Variants in CCDC171 observed in about 807,000 individuals in gnomAD.
CCDC171 encodes coiled-coil domain-containing protein 171.
In CCDC171, 177 loss-of-function variants were observed where a neutral mutation model predicts 168.2. That is an observed-to-expected ratio of 1.05 (90% CI 0.93 to 1.19). The LOEUF is 1.19. CCDC171 is among the 50% of genes most tolerant of loss of function. The pLI, the probability that CCDC171 is intolerant of heterozygous loss-of-function variation, is 0.00. For missense variants in CCDC171, 1,991 were observed against 1,539.0 expected, an observed-to-expected ratio of 1.29 and a Z score of -4.91; for synonymous variants, 687 against 540.8, an observed-to-expected ratio of 1.27 and a Z score of -3.75.
intron 21 of CCDC171, among the ~76,000 whole-genome samples, chr9:15,807,971 A>C (rs1357628504): frequency 1.3e-5 from 2 of 151,910 alleles, no homozygotes; most frequent in East Asian, 3.9e-4. Flanking sequence ...CTGGTTGTTC[A>C]GTATCTGAAA....
At chr9:15,874,328 A>G (rs901650304) in intron 23 of CCDC171, among the ~76,000 whole-genome samples, 1 of 151,948 alleles carries the variant, frequency 6.6e-6, no homozygotes, top group East Asian at 1.9e-4. Flanking sequence ...AAGCAGGAGG[A>G]TGCTTTTTCT....
At position 15,966,897 on chromosome 9, in the gene CCDC171, A is replaced by G. The variant is rs7862496; in HGVS notation, c.3754-4712A>G. On this transcript the variant is annotated intron_variant, in intron 25 of 25. Coordinates refer to ENST00000380701, the MANE Select transcript of CCDC171 (RefSeq NM_173550.4). The stretch of plus-strand genomic sequence containing the variant: ...CATGATAGCAGATGTGTGTGTGTGT[A>G]TATATATATATATATAACTGTGTAT... Among the ~76,000 whole-genome samples, 260 of 39,298 alleles carry G rather than the reference A, an allele frequency of 6.6e-3. 3 individuals are homozygous for G. Among genetic ancestry groups the G allele is most frequent in the African/African-American group, 0.054 (187 of 3,486 alleles). 25.8% of individuals were successfully genotyped at this position (39,298 alleles called of 152,430 possible).
chr9:16,062,031 C>G (rs1369450252), downstream of CCDC171, among the ~76,000 whole-genome samples: 1 of 152,136 alleles, frequency 6.6e-6, no homozygotes, highest in Non-Finnish European at 1.5e-5. Flanking sequence ...AGGAATTGTA[C>G]AATTCACTGT....
intron 21 of CCDC171, among the ~76,000 whole-genome samples, chr9:15,811,714 A>C (rs1294475346): frequency 6.6e-6 from 1 of 152,194 alleles, no homozygotes; most frequent in Non-Finnish European, 1.5e-5. Context: ...GTTTGGTGGT[A>C]GGCACCCCAT....
chr9:15,649,220 T>G (rs1424236412), intron 7 of CCDC171, among the ~76,000 whole-genome samples: 1 of 152,228 alleles, frequency 6.6e-6, no homozygotes, highest in Non-Finnish European at 1.5e-5. Context: ...GCTGGATTCC[T>G]TCCTTACACC....
At chr9:15,805,279 T>C (rs2059019610) in intron 21 of CCDC171, among the ~76,000 whole-genome samples, 1 of 152,176 alleles carries the variant, frequency 6.6e-6, no homozygotes, top group African/African-American at 2.4e-5. Flanking sequence ...TCTTGTCTTT[T>C]GCTAGCTTTG....
intron 21 of CCDC171, among the ~76,000 whole-genome samples, chr9:15,798,128 A>G (rs939511750): frequency 1.1e-4 from 17 of 151,940 alleles, no homozygotes; most frequent in Non-Finnish European, 2.2e-4. Flanking sequence ...TGTATTTGCT[A>G]TTTGGGTCCA....
At chr9:16,034,143 G>A (rs992640419) in intron 6 of CCDC171, among the ~76,000 whole-genome samples, 2 of 152,212 alleles carry the variant, frequency 1.3e-5, no homozygotes, top group African/African-American at 4.8e-5. Flanking sequence ...CCTGGGGGAA[G>A]GAAGCAACAA....
At chr9:15,790,074 G>C (rs990678964) in intron 21 of CCDC171, among the ~76,000 whole-genome samples, 7 of 152,136 alleles carry the variant, frequency 4.6e-5, no homozygotes, top group Admixed American at 6.5e-5. Context: ...GTGCATGTGT[G>C]TTTATAGCAG....
chr9:15,862,911 G>T (rs1416499726), intron 23 of CCDC171, among the ~76,000 whole-genome samples: 1 of 152,050 alleles, frequency 6.6e-6, no homozygotes, highest in African/African-American at 2.4e-5. Flanking sequence ...TTGGAATGTT[G>T]TATGTATGGC....
the CCDC171 span, among the ~76,000 whole-genome samples, chr9:16,070,631 C>T: frequency 6.6e-5 from 10 of 152,186 alleles, no homozygotes; most frequent in African/African-American, 2.4e-4. Context: ...TTCAGACTCA[C>T]AACTAAGGCA....
intron 25 of CCDC171, among the ~76,000 whole-genome samples, chr9:15,950,754 A>T (rs537665966): frequency 1.3e-5 from 2 of 152,162 alleles, no homozygotes; most frequent in East Asian, 3.9e-4. Context: ...TAATGACAGG[A>T]TCAAATTCAC....
chr9:15,861,298 A>G (rs893149893), intron 23 of CCDC171, among the ~76,000 whole-genome samples: 1 of 150,620 alleles, frequency 6.6e-6, no homozygotes, highest in African/African-American at 2.4e-5. Flanking sequence ...AGTTAAACCT[A>G]TTTACGTTTG....
chr9:15,849,401 TTC>T (rs546383399), intron 23 of CCDC171, among the ~76,000 whole-genome samples: 345 of 151,468 alleles, frequency 2.3e-3, no homozygotes, highest in African/African-American at 8.1e-3. Context: ...AATTGAAATT[TTC>T]TTTCTTGTAA....
chr9:16,088,138 T>C, the CCDC171 span, among the ~76,000 whole-genome samples: 1 of 152,290 alleles, frequency 6.6e-6, no homozygotes, highest in East Asian at 1.9e-4. Context: ...ATTATCTCAA[T>C]AGATGCAGAA....
chr9:15,649,962 C>T lies in CCDC171; in HGVS notation c.823-7165C>T, dbSNP rs547829056. ...GACACAGGCACACGTATGTTTATTGCGGCACTATTCACAATAGCAAAGACT... is the reference window on the plus strand; with the variant it reads ...GACACAGGCACACGTATGTTTATTGTGGCACTATTCACAATAGCAAAGACT... On this transcript the variant is annotated intron_variant, in intron 7 of 25. Transcript: ENST00000380701. Among the ~76,000 whole-genome samples the T allele has an allele frequency of 3.2e-3, 484 of 152,158 alleles. 2 individuals carry two copies. The highest frequency in any genetic ancestry group is 5.8e-3 in the Non-Finnish European group (392 of 67,966).
chr9:16,009,102 A>G lies in CCDC171; in HGVS notation n.369-11487A>G, dbSNP rs182765388. The stretch of plus-strand genomic sequence containing the variant: ...AAAGATGTAACTGCTTACAGCAAGG[A>G]TGCTTTCTCTATTATTATGGAGAAC... On this transcript the variant is annotated intron_variant and non_coding_transcript_variant, in intron 3 of 9. Transcript: ENST00000486641. Among the ~76,000 whole-genome samples, 1,131 of 152,252 alleles carry G rather than the reference A, an allele frequency of 7.4e-3. 10 individuals are homozygous for G. Among genetic ancestry groups the G allele is most frequent in the African/African-American group, 0.026 (1,090 of 41,574 alleles).
chr9:15,846,732 A>G lies in CCDC171; in HGVS notation c.3298A>G (p.Arg1100Gly), dbSNP rs759386713. 44 of 1,613,116 alleles carry G rather than the reference A, an allele frequency of 2.7e-5. No homozygotes were observed. The highest frequency in any genetic ancestry group is 3.6e-5 in the Non-Finnish European group (43 of 1,179,466). ...SLSEAKMELR[R>G]KDQSLRQLNR... ...CTCCGAGGCAAAGATGGAGCTGAGA[A>G]GAAAAGATCAATCTCTGCGTCAGCT... Residue 1100 changes from arginine to glycine, a missense_variant, in exon 22 of 26, where the codon AGA becomes GGA. By Grantham distance (125) the Arg-to-Gly change is moderately radical. Coordinates refer to ENST00000380701, the MANE Select transcript of CCDC171 (RefSeq NM_173550.4).
intron 24 of CCDC171, chr9:15,875,326 T>C (rs1304870133): frequency 1.3e-5 from 2 of 152,026 alleles, no homozygotes; most frequent in Non-Finnish European, 2.9e-5. Flanking sequence ...TTAGAAACAT[T>C]CATTTTCGGA....
Sources: allele counts gnomAD v4.1 joint callset (sites outside exome capture counted in the v4.1 genomes callset), GRCh38; gene constraint gnomAD v4.1.1; transcripts MANE v1.5; gene names NCBI Gene and HGNC (gene_info 2026-07-23, HGNC 2026-07-21).